The following TUBA4A variants were observed in gnomAD, a reference collection of about 807,000 sequenced individuals.
TUBA4A encodes the protein tubulin alpha 4a.
TUBA4A carries 23 observed loss-of-function variants against 34.3 expected under a neutral mutation model. The ratio of observed to expected loss-of-function variants is 0.67; its 90% CI spans 0.48 to 0.95. TUBA4A has a LOEUF of 0.95. Ranked by LOEUF, TUBA4A falls within the 40% of genes least tolerant of loss-of-function variation. TUBA4A has a pLI of 0.00. For synonymous variants in TUBA4A, 216 were observed against 230.5 expected (o/e 0.94, Z 0.57); for missense variants, 279 against 599.0 (o/e 0.47, Z 5.58).
rs767359528 is a variant in TUBA4A, at chr2:219,250,361, T to G, written c.1338A>C (p.Gly446=). The G allele has an allele frequency of 6.2e-7, 1 of 1,609,268 alleles. No homozygotes were observed. Among genetic ancestry groups the G allele is most frequent in the Non-Finnish European group, 8.5e-7 (1 of 1,176,478 alleles). The stretch of plus-strand genomic sequence containing the variant: ...GCTCCAGGCAGCTGCTTTATTCTTC[T>G]CCCTCATCCTCGTCCTCATAGGAGT... ...GIDSYEDEDE[G]EE Residue 446 remains glycine, a synonymous_variant, in exon 4 of 4, where the codon GGA becomes GGC. Transcript: ENST00000248437. The surrounding 1 kb of genome is among the most constrained non-coding windows in gnomAD (Gnocchi z 8.4).
rs1459448529 is a variant in TUBA4A, at chr2:219,251,788, C to T, written c.227-75G>A. The T allele has an allele frequency of 3.3e-6, 5 of 1,535,812 alleles. No individual in the cohort carries two copies. The East Asian group carries it at 6.8e-5, about 21-fold the overall frequency. ...CCAGGGTGGTAGCTGTGGCCAGATG[C>T]ATGGAAGGACTCATCCTCCTGCCAG... On this transcript the variant is annotated intron_variant, in intron 2 of 3. Coordinates refer to ENST00000248437, the MANE Select transcript of TUBA4A (RefSeq NM_006000.3). The surrounding 1 kb of genome is among the most constrained non-coding windows in gnomAD (Gnocchi z 6.1).
At chr2:219,253,199 T>C (rs1951677225) in intron 1 of TUBA4A, 3 of 1,495,436 alleles carry the variant, frequency 2.0e-6, no homozygotes, top group Non-Finnish European at 2.7e-6. Flanking sequence ...CTCTCTCCCC[T>C]CCCCCCAACC....
rs1243484344 is a variant in TUBA4A at position 219,252,018 on chromosome 2, A to G, written c.216T>C (p.Pro72=). 10 of 1,614,182 alleles carry G rather than the reference A, an allele frequency of 6.2e-6. No individual in the cohort carries two copies. The highest frequency in any genetic ancestry group is 7.6e-6 in the Non-Finnish European group (9 of 1,180,008). ...CCCACTTCCTCTCACCAATGACCGT[A>G]GGCTCCAGATCCACAAAAACTGCCC... ...VPRAVFVDLE[P]TVIDEIRNGP... is the part of the protein sequence containing the mutation. Residue 72 remains proline (P), a synonymous_variant, in exon 2 of 4, where the codon CCT becomes CCC. Coordinates refer to ENST00000248437, the MANE Select transcript of TUBA4A (RefSeq NM_006000.3). The surrounding 1 kb of genome is among the most constrained non-coding windows in gnomAD (Gnocchi z 4.1).
rs1418732015 is a variant in TUBA4A at position 219,251,370 on chromosome 2, T to A, written c.376-47A>T. ...GAACAGTTTAGGTAGGGGAGGGGCC[T>A]GAGGGACTCTATCACCTGGCTCCAT... On this transcript the variant is annotated intron_variant, in intron 3 of 3. Coordinates refer to ENST00000248437, the MANE Select transcript of TUBA4A (RefSeq NM_006000.3). The surrounding 1 kb of genome is among the most constrained non-coding windows in gnomAD (Gnocchi z 6.1). The A allele has an allele frequency of 1.9e-6, 3 of 1,554,834 alleles. No homozygotes were observed. The highest frequency in any genetic ancestry group is 1.7e-6 in the Non-Finnish European group (2 of 1,149,864).
At position 219,250,805 on chromosome 2, in the gene TUBA4A, A is replaced by C. The variant is rs1559276075; in HGVS notation, c.894T>G (p.Pro298=). The part of the protein sequence containing the change: ...VAEITNACFE[P]ANQMVKCDPR... ...GATCACACTTTACCATCTGGTTGGC[A>C]GGCTCAAAGCAGGCATTGGTGATCT... Residue 298 remains proline, a synonymous_variant, in exon 4 of 4, where the codon CCT becomes CCG. Transcript: ENST00000248437. This position sits in a 1 kb window ranked among gnomAD's most constrained non-coding sequence, Gnocchi z 8.4. The C allele has an allele frequency of 6.2e-7, 1 of 1,614,074 alleles. No homozygotes were observed. The highest frequency in any genetic ancestry group is 1.3e-5 in the African/African-American group (1 of 74,928).
At chr2:219,253,943 TTA>T, upstream of TUBA4A, 2 of 1,136,306 alleles carry the variant, frequency 1.8e-6, no homozygotes, top group Non-Finnish European at 2.3e-6. Flanking sequence ...CGCACCGCCC[TTA>T]TAGGCGGGGG....
In TUBA4A at chr2:219,252,331, C is replaced by T; in HGVS notation, c.4-101G>A. On this transcript the variant is annotated intron_variant, in intron 1 of 3. Transcript: ENST00000248437. The surrounding 1 kb of genome is among the most constrained non-coding windows in gnomAD (Gnocchi z 4.1). ...CTATCATCTACCAGCTAGGATGACT[C>T]AGTTGGCAAGAGTGGAGGGTTGGGG... The T allele has an allele frequency of 8.5e-7, 1 of 1,170,730 alleles. No homozygotes were observed. The highest frequency in any genetic ancestry group is 1.2e-6 in the Non-Finnish European group (1 of 821,272). The allele number at this position is 1,170,730 out of a possible 1,614,324, so 72.5% of individuals were successfully genotyped here.
chr2:219,253,322 C>G (rs1951679283), intron 1 of TUBA4A: 1 of 1,528,280 alleles, frequency 6.5e-7, no homozygotes, highest in Non-Finnish European at 8.7e-7. Context: ...TTCCCACCAA[C>G]CCTCTCAGCT....
chr2:219,252,303 A>G lies in TUBA4A; in HGVS notation c.4-73T>C. 7.2e-6 allele frequency: 10 copies of G among 1,381,262 alleles called. No homozygotes were observed. The highest frequency in any genetic ancestry group is 1.0e-5 in the Non-Finnish European group (10 of 989,690). 85.6% of individuals were successfully genotyped at this position (1,381,262 alleles called of 1,614,324 possible). ...TCCTCACCTTGCGAGTCTCTCTTCC[A>G]CCCTATCATCTACCAGCTAGGATGA... On this transcript the variant is annotated intron_variant, in intron 1 of 3. Coordinates refer to ENST00000248437, the MANE Select transcript of TUBA4A (RefSeq NM_006000.3). The surrounding 1 kb of genome is among the most constrained non-coding windows in gnomAD (Gnocchi z 4.1).
Position 219,250,436 on chromosome 2 carries a change from G to T in TUBA4A, c.1263C>A (p.Ala421=), listed in dbSNP as rs746080269. ...TCTCCAGGGCAGCCATATCCTCACG[G>T]GCCTCGGAGAACTCACCCTCCTCCA... ...EGMEEGEFSE[A]REDMAALEKD... The change falls in exon 4 of 4, where the codon GCC becomes GCA. Residue 421 remains alanine, a synonymous_variant. Coordinates refer to ENST00000248437, the MANE Select transcript of TUBA4A (RefSeq NM_006000.3). The surrounding 1 kb of genome is among the most constrained non-coding windows in gnomAD (Gnocchi z 8.4). 1 of 1,614,164 alleles carries T rather than the reference G, an allele frequency of 6.2e-7. No individual in the cohort carries two copies. The highest frequency in any genetic ancestry group is 2.2e-5 in the East Asian group (1 of 44,886).
chr2:219,251,893 A>G lies in TUBA4A; in HGVS notation c.226+115T>C. The G allele has an allele frequency of 7.3e-7, 1 of 1,371,244 alleles. No individual in the cohort carries two copies. Among genetic ancestry groups the G allele is most frequent in the Non-Finnish European group, 1.0e-6 (1 of 996,048 alleles). The allele number at this position is 1,371,244 out of a possible 1,614,324, so 84.9% of individuals were successfully genotyped here. A position where few individuals can be genotyped will look rare whatever the true frequency, so the allele number is the denominator to read the frequency against. ...GATCAGCTTGCCTTCTGCAGCTTCA[A>G]GTACGGCTAGGAATTTTCAGGGCTA... is the stretch of plus-strand genomic sequence containing the variant. On this transcript the variant is annotated intron_variant, in intron 2 of 3. Coordinates refer to ENST00000248437, the MANE Select transcript of TUBA4A (RefSeq NM_006000.3). The surrounding 1 kb of genome is among the most constrained non-coding windows in gnomAD (Gnocchi z 6.1).
rs1234477472 is a variant in TUBA4A at position 219,253,561 on chromosome 2, A to T, written c.3+295T>A. On this transcript the variant is annotated intron_variant, in intron 1 of 3. Coordinates refer to ENST00000248437, the MANE Select transcript of TUBA4A (RefSeq NM_006000.3). ...CGGGGCGCGGGCCCGCGTGACTCTC[A>T]TACAGAGTCGGGACACAAATGCTCG... 3.9e-6 allele frequency: 3 copies of T among 778,620 alleles called. No individual in the cohort carries two copies. In the East Asian group the frequency reaches 8.0e-5, roughly 21 times the overall value. The allele number at this position is 778,620 out of a possible 1,614,324, so 48.2% of individuals were successfully genotyped here.
Position 219,250,220 on chromosome 2 carries a change from GAGC to G in TUBA4A, c.*129_*131del. ...GGATAAGGGTCATGAACAGCAAACAGAGCAGCAGCAGCATGAAGGGGAAGGCAG... is the reference window on the plus strand; with the variant it reads ...GGATAAGGGTCATGAACAGCAAACAGAGCAGCAGCATGAAGGGGAAGGCAG... On this transcript the variant is annotated 3_prime_UTR_variant, in exon 4 of 4. Transcript: ENST00000248437. The surrounding 1 kb of genome is among the most constrained non-coding windows in gnomAD (Gnocchi z 8.4). 12 of 1,320,192 alleles carry G rather than the reference GAGC, an allele frequency of 9.1e-6. No individual in the cohort carries two copies. Among genetic ancestry groups the G allele is most frequent in the East Asian group, 2.3e-5 (1 of 43,228 alleles). 81.8% of individuals were successfully genotyped at this position (1,320,192 alleles called of 1,614,324 possible).
In TUBA4A at chr2:219,252,366, G is replaced by T; in HGVS notation, c.4-136C>A. ...GAGTGGAGGGTTGGGGCTGGGCAGA[G>T]GTGAGAAGAGAGTAGCAGCCTGCCC... is the stretch of plus-strand genomic sequence containing the variant. On this transcript the variant is annotated intron_variant, in intron 1 of 3. Transcript: ENST00000248437. This position sits in a 1 kb window ranked among gnomAD's most constrained non-coding sequence, Gnocchi z 4.1. 1 of 871,350 alleles carries T rather than the reference G, an allele frequency of 1.1e-6. No homozygotes were observed. The highest frequency in any genetic ancestry group is 1.8e-6 in the Non-Finnish European group (1 of 568,794). 54.0% of individuals were successfully genotyped at this position (871,350 alleles called of 1,614,324 possible).
At position 219,252,928 on chromosome 2, in the gene TUBA4A, C is replaced by T; in HGVS notation, c.4-698G>A. ...GTCAGCCCGAAATTAACCCCTAAAG[C>T]ACTAAAGTCCGGCAGGGCCCGCGCG... On this transcript the variant is annotated intron_variant, in intron 1 of 3. Coordinates refer to ENST00000248437, the MANE Select transcript of TUBA4A (RefSeq NM_006000.3). The surrounding 1 kb of genome is among the most constrained non-coding windows in gnomAD (Gnocchi z 4.1). The T allele has an allele frequency of 2.1e-6, 1 of 480,576 alleles. No homozygotes were observed. The highest frequency in any genetic ancestry group is 4.3e-6 in the Non-Finnish European group (1 of 234,320). The allele number at this position is 480,576 out of a possible 1,614,324, so 29.8% of individuals were successfully genotyped here.
rs1243209324 is a variant in TUBA4A, at chr2:219,253,398, G to A, written c.3+458C>T. On this transcript the variant is annotated intron_variant, in intron 1 of 3. Coordinates refer to ENST00000248437, the MANE Select transcript of TUBA4A (RefSeq NM_006000.3). ...TGGATAGTTGGAATGCATACACAGAGGAAAGGGGGATGCGGCACCAGGTAA... is the reference window on the plus strand; with the variant it reads ...TGGATAGTTGGAATGCATACACAGAAGAAAGGGGGATGCGGCACCAGGTAA... The A allele has an allele frequency of 3.3e-6, 5 of 1,533,192 alleles. No homozygotes were observed. In the African/African-American group the frequency reaches 5.5e-5, roughly 17 times the overall value. The allele number at this position is 1,533,192 out of a possible 1,614,324, so 95.0% of individuals were successfully genotyped here. A position where few individuals can be genotyped will look rare whatever the true frequency, so the allele number is the denominator to read the frequency against.
Position 219,252,540 on chromosome 2 carries a change from G to C in TUBA4A, c.4-310C>G, listed in dbSNP as rs1050360032. On this transcript the variant is annotated intron_variant, in intron 1 of 3. Transcript: ENST00000248437. This position sits in a 1 kb window ranked among gnomAD's most constrained non-coding sequence, Gnocchi z 4.1. The stretch of plus-strand genomic sequence containing the variant: ...TAGAGGTATGGGTTTACAGCTAGAG[G>C]CCCCCCCCCCACTTGATTAATTATT... Among the ~76,000 whole-genome samples, 1 of 140,466 alleles carries C rather than the reference G, an allele frequency of 7.1e-6. No individual in the cohort carries two copies. The highest frequency in any genetic ancestry group is 2.0e-4 in the East Asian group (1 of 4,960). 92.2% of individuals were successfully genotyped at this position (140,466 alleles called of 152,430 possible).
In TUBA4A at chr2:219,251,511, C is replaced by T; in HGVS notation, c.375+54G>A. The T allele has an allele frequency of 6.3e-7, 1 of 1,581,568 alleles. No homozygotes were observed. The highest frequency in any genetic ancestry group is 8.6e-7 in the Non-Finnish European group (1 of 1,160,332). Reference sequence around the variant, plus strand: ...CTGAAAGGATCTGAAAAAAAATATTCCTGACCATTAGCACAGTCTCAAAAG... The same window carrying T: ...CTGAAAGGATCTGAAAAAAAATATTTCTGACCATTAGCACAGTCTCAAAAG... On this transcript the variant is annotated intron_variant, in intron 3 of 3. Transcript: ENST00000248437. The surrounding 1 kb of genome is among the most constrained non-coding windows in gnomAD (Gnocchi z 6.1).
rs917219529 is a variant in TUBA4A at position 219,250,112 on chromosome 2, G to A, written c.*240C>T. ...TTCCTCCCTATACTGAGTAACCCTA[G>A]GACTTCAATTTAAAGTCCCTGGGGT... On this transcript the variant is annotated 3_prime_UTR_variant, in exon 4 of 4. Transcript: ENST00000248437. This position sits in a 1 kb window ranked among gnomAD's most constrained non-coding sequence, Gnocchi z 8.4. 1.2e-5 allele frequency: 7 copies of A among 594,776 alleles called. No individual in the cohort carries two copies. The African/African-American group carries it at 1.3e-4, about 11-fold the overall frequency. 36.8% of individuals were successfully genotyped at this position (594,776 alleles called of 1,614,324 possible). A position where few individuals can be genotyped will look rare whatever the true frequency, so the allele number is the denominator to read the frequency against.
Sources: gnomAD v4.1 joint callset for allele counts (sites outside exome capture counted in the v4.1 genomes callset) on GRCh38, gnomAD v4.1.1 for gene constraint, Gnocchi (gnomAD v3.1) non-coding constraint, MANE v1.5 for transcripts, NCBI Gene and HGNC (gene_info 2026-07-23, HGNC 2026-07-21) for gene names.